Variants in ZBTB20 observed in about 807,000 individuals in gnomAD.
The protein encoded by ZBTB20 is zinc finger and BTB domain-containing protein 20.
ZBTB20 carries 9 observed loss-of-function variants against 56.9 expected under a neutral mutation model. The ratio of observed to expected loss-of-function variants is 0.16; its 90% CI spans 0.10 to 0.28. ZBTB20 has a LOEUF of 0.28. ZBTB20 is among the 10% of genes least tolerant of loss of function. ZBTB20 has a pLI of 1.00. For missense variants in ZBTB20, 655 were observed against 1,003.0 expected (o/e 0.65, Z 4.69); for synonymous variants, 417 against 420.7 (o/e 0.99, Z 0.11).
intron 1 of ZBTB20, among the ~76,000 whole-genome samples, chr3:115,094,025 T>C (rs1167198887): frequency 6.6e-6 from 1 of 152,098 alleles, no homozygotes; most frequent in Non-Finnish European, 1.5e-5. Flanking sequence ...CCCTCAGCTT[T>C]ACCCCTGTAC....
At chr3:114,625,662 C>G (rs1477342244) in intron 6 of ZBTB20, among the ~76,000 whole-genome samples, 1 of 151,912 alleles carries the variant, frequency 6.6e-6, no homozygotes, top group Non-Finnish European at 1.5e-5. Flanking sequence ...AATGATAAAA[C>G]ATAGGGGAAC....
Position 114,318,405 on chromosome 3 carries a change from T to A in ZBTB20, c.*20600A>T, listed in dbSNP as rs2078771158. The A allele has an allele frequency of 6.6e-6, 1 of 152,396 alleles. No individual in the cohort carries two copies. The allele number at this position is 152,396 out of a possible 1,614,324, so 9.4% of individuals were successfully genotyped here. On this transcript the variant is annotated 3_prime_UTR_variant, in exon 12 of 12. Coordinates refer to ENST00000675478, the MANE Select transcript of ZBTB20 (RefSeq NM_001348800.3). Reference sequence around the variant, plus strand: ...GCAGAGCCAGGCTAGGGAACGATGATAACAGTAACAGGAGGGTCTCAGAAG... The same window carrying A: ...GCAGAGCCAGGCTAGGGAACGATGAAAACAGTAACAGGAGGGTCTCAGAAG...
At chr3:114,435,351 A>C (rs1234944641) in intron 7 of ZBTB20, among the ~76,000 whole-genome samples, 1 of 152,178 alleles carries the variant, frequency 6.6e-6, no homozygotes, top group Non-Finnish European at 1.5e-5. Context: ...TTCTTTACAT[A>C]TGTTATCTCA....
At chr3:114,707,817 TG>T (rs760902424) in intron 5 of ZBTB20, among the ~76,000 whole-genome samples, 6 of 152,214 alleles carry the variant, frequency 3.9e-5, no homozygotes, top group Non-Finnish European at 7.3e-5. Context: ...TCATGACTGA[TG>T]CACACAATCC....
intron 5 of ZBTB20, among the ~76,000 whole-genome samples, chr3:114,755,529 G>C (rs2108672343): frequency 6.6e-6 from 1 of 152,204 alleles, no homozygotes; most frequent in Middle Eastern, 3.4e-3. Flanking sequence ...AAAAGTGAAT[G>C]CCTTCTAATC....
intron 4 of ZBTB20, among the ~76,000 whole-genome samples, chr3:114,886,000 T>A (rs1389153353): frequency 6.6e-6 from 1 of 152,206 alleles, no homozygotes; most frequent in Non-Finnish European, 1.5e-5. Context: ...CCTACAACCA[T>A]GAGGTGGAAA....
chr3:115,000,839 G>C (rs183920271), intron 2 of ZBTB20, among the ~76,000 whole-genome samples: 1 of 151,562 alleles, frequency 6.6e-6, no homozygotes, highest in African/African-American at 2.4e-5. Context: ...CCACTACTAG[G>C]TCAGCAGAGA....
chr3:114,958,435 T>C (rs2077323403), intron 3 of ZBTB20, among the ~76,000 whole-genome samples: 1 of 152,238 alleles, frequency 6.6e-6, no homozygotes, highest in Admixed American at 6.5e-5. Context: ...GGTGACTTCC[T>C]ACTGGAGCAC....
intron 5 of ZBTB20, among the ~76,000 whole-genome samples, chr3:114,713,042 T>C (rs1263212893): frequency 6.6e-6 from 1 of 152,216 alleles, no homozygotes; most frequent in Non-Finnish European, 1.5e-5. Context: ...TAACTAGGCA[T>C]TACTAGGTTA....
intron 2 of ZBTB20, among the ~76,000 whole-genome samples, chr3:115,055,947 A>G (rs1267914265): frequency 6.6e-6 from 1 of 152,118 alleles, no homozygotes; most frequent in Admixed American, 6.6e-5. Context: ...CAAGGTAAAG[A>G]CCCTCAAAAA....
At chr3:114,633,678 CCTTTT>C (rs2059092327) in intron 6 of ZBTB20, among the ~76,000 whole-genome samples, 4 of 152,056 alleles carry the variant, frequency 2.6e-5, no homozygotes, top group Non-Finnish European at 5.9e-5. Flanking sequence ...GAATAACTGT[CCTTTT>C]CTACTTGCAC....
intron 6 of ZBTB20, among the ~76,000 whole-genome samples, chr3:114,617,920 C>T (rs2058045103): frequency 6.6e-6 from 1 of 151,106 alleles, no homozygotes; most frequent in Non-Finnish European, 1.5e-5. Context: ...AAATTGCAAA[C>T]TTATCCCTGA....
chr3:115,134,834 A>T (rs1314458054), intron 1 of ZBTB20, among the ~76,000 whole-genome samples: 1 of 152,182 alleles, frequency 6.6e-6, no homozygotes, highest in Non-Finnish European at 1.5e-5. Flanking sequence ...AGATTATCCT[A>T]AATGGCAGAA....
intron 5 of ZBTB20, among the ~76,000 whole-genome samples, chr3:114,783,080 T>G (rs1401157023): frequency 6.6e-6 from 1 of 152,180 alleles, no homozygotes; most frequent in African/African-American, 2.4e-5. Flanking sequence ...CTGTGCTGAG[T>G]ACATTGGAAA....
intron 1 of ZBTB20, among the ~76,000 whole-genome samples, chr3:115,090,645 A>G (rs2108571845): frequency 6.6e-6 from 1 of 151,958 alleles, no homozygotes; most frequent in East Asian, 1.9e-4. Context: ...GTTTTTTATT[A>G]TCCATTCCTT....
chr3:115,072,210 T>C (rs1047696480), intron 1 of ZBTB20, among the ~76,000 whole-genome samples: 3 of 152,194 alleles, frequency 2.0e-5, no homozygotes, highest in African/African-American at 4.8e-5. Context: ...CCATATTATA[T>C]AATTGATTAT....
chr3:114,528,565 T>C (rs986487528), intron 6 of ZBTB20: 10 of 152,234 alleles, frequency 6.6e-5, no homozygotes, highest in Non-Finnish European at 1.5e-4. Context: ...TAATTTACGA[T>C]AAAATATCAT....
At chr3:114,962,231 A>G (rs1374869898) in intron 3 of ZBTB20, among the ~76,000 whole-genome samples, 1 of 152,156 alleles carries the variant, frequency 6.6e-6, no homozygotes, top group Non-Finnish European at 1.5e-5. Context: ...TGATAGCACT[A>G]AAATCTAGGT....
chr3:114,866,182 C>G (rs2075755688), intron 4 of ZBTB20, among the ~76,000 whole-genome samples: 1 of 152,142 alleles, frequency 6.6e-6, no homozygotes, highest in African/African-American at 2.4e-5. Context: ...AAGCTATGTT[C>G]CAGTTATCGA....
Sources: allele counts gnomAD v4.1 joint callset (sites outside exome capture counted in the v4.1 genomes callset), GRCh38; gene constraint gnomAD v4.1.1; transcripts MANE v1.5; gene names NCBI Gene and HGNC (gene_info 2026-07-23, HGNC 2026-07-21).